Variants in EYS observed in about 807,000 individuals in gnomAD.
EYS encodes the protein EGF-like photoreceptor maintenance factor.
A neutral mutation model predicts 282.1 loss-of-function variants in EYS; 250 were observed. The observed-to-expected ratio is 0.89, with a 90% confidence interval of 0.80 to 0.98. The LOEUF (loss-of-function observed/expected upper bound fraction) is 0.98. Among genes scored for constraint, EYS ranks in the 50% least tolerant of loss-of-function variants. The pLI is 0.00. For missense variants in EYS, 4,016 were observed against 3,709.0 expected (o/e 1.08, Z -2.15); for synonymous variants, 1,355 against 1,282.9 (o/e 1.06, Z -1.20).
At chr6:65,403,105 T>C (rs1452256937) in intron 6 of EYS, among the ~76,000 whole-genome samples, 6 of 152,032 alleles carry the variant, frequency 3.9e-5, no homozygotes, top group Admixed American at 3.3e-4. Flanking sequence ...CACTTTCCGA[T>C]GGCAACCTCA....
At chr6:64,092,496 T>C (rs1231563375) in intron 31 of EYS, among the ~76,000 whole-genome samples, 3 of 152,148 alleles carry the variant, frequency 2.0e-5, no homozygotes, top group African/African-American at 4.8e-5. Context: ...ATTTCTCTGA[T>C]GGCCAGTGAT....
chr6:64,211,470 C>G (rs886349200), intron 31 of EYS, among the ~76,000 whole-genome samples: 2 of 151,754 alleles, frequency 1.3e-5, no homozygotes, highest in Admixed American at 1.3e-4. Context: ...GTGTCAGTCA[C>G]TCAATCTCAT....
chr6:64,668,027 A>G (rs1769294905), intron 22 of EYS, among the ~76,000 whole-genome samples: 1 of 152,184 alleles, frequency 6.6e-6, no homozygotes, highest in South Asian at 2.1e-4. Flanking sequence ...AAGAATTTGC[A>G]TCTATAATAA....
chr6:65,399,883 C>G lies in EYS; in HGVS notation c.1184+2595G>C, dbSNP rs192006111. Among the ~76,000 whole-genome samples the G allele has an allele frequency of 1.1e-4, 17 of 152,082 alleles. No individual in the cohort carries two copies. In the East Asian group the frequency reaches 3.3e-3, roughly 29 times the overall value. ...TCTATATCTGTTTTGGCTTTGTCTC[C>G]TTGCTGGACTTCATGGTTGCAAAAT... On this transcript the variant is annotated intron_variant, in intron 7 of 42. Transcript: ENST00000503581.
At chr6:65,542,958 T>C (rs1474966106) in intron 2 of EYS, among the ~76,000 whole-genome samples, 2 of 152,170 alleles carry the variant, frequency 1.3e-5, no homozygotes, top group Non-Finnish European at 2.9e-5. Context: ...ACAAACCACA[T>C]GAAAAATTAA....
chr6:63,829,717 G>A (rs894333552), intron 36 of EYS, among the ~76,000 whole-genome samples: 1 of 152,128 alleles, frequency 6.6e-6, no homozygotes, highest in East Asian at 1.9e-4. Flanking sequence ...GAGAGTAGTG[G>A]TTCTCACAGC....
At chr6:65,283,669 T>C (rs1214854990) in intron 12 of EYS, among the ~76,000 whole-genome samples, 2 of 152,082 alleles carry the variant, frequency 1.3e-5, no homozygotes, top group Non-Finnish European at 2.9e-5. Context: ...CAAGTGGCTA[T>C]TCATTTTTAC....
At chr6:64,746,712 C>A (rs890080829) in intron 22 of EYS, among the ~76,000 whole-genome samples, 1 of 152,168 alleles carries the variant, frequency 6.6e-6, no homozygotes. Flanking sequence ...TAGCAATTTC[C>A]ATACAGACTG....
intron 35 of EYS, among the ~76,000 whole-genome samples, chr6:63,966,405 G>A (rs1008217360): frequency 6.6e-6 from 1 of 152,144 alleles, no homozygotes; most frequent in African/African-American, 2.4e-5. Flanking sequence ...CAAATATGGT[G>A]CAGTGTATAC....
At chr6:65,389,139 C>A (rs1034070831) in intron 7 of EYS, among the ~76,000 whole-genome samples, 2 of 152,096 alleles carry the variant, frequency 1.3e-5, no homozygotes, top group Non-Finnish European at 2.9e-5. Context: ...AACAGTCACA[C>A]AACAATTTAA....
intron 14 of EYS, among the ~76,000 whole-genome samples, chr6:64,955,404 G>A (rs865843737): frequency 1.3e-5 from 2 of 152,110 alleles, no homozygotes; most frequent in Non-Finnish European, 1.5e-5. Flanking sequence ...ATACTATTGG[G>A]AGAGGACATA....
chr6:65,345,722 C>A (rs909932418), intron 9 of EYS, among the ~76,000 whole-genome samples: 9 of 151,188 alleles, frequency 6.0e-5, no homozygotes, highest in African/African-American at 1.9e-4. Flanking sequence ...AACGTCTTCC[C>A]TCTGCCTCCC....
chr6:64,425,447 G>C (rs1015801650), intron 28 of EYS, among the ~76,000 whole-genome samples: 1 of 152,078 alleles, frequency 6.6e-6, no homozygotes, highest in African/African-American at 2.4e-5. Context: ...CCAAGGTCAA[G>C]AGTTTGAGAC....
intron 35 of EYS, among the ~76,000 whole-genome samples, chr6:63,928,278 C>T (rs1764779073): frequency 6.6e-6 from 1 of 152,068 alleles, no homozygotes; most frequent in South Asian, 2.1e-4. Flanking sequence ...TGGCTCTAGG[C>T]TCAGCTTTGT....
chr6:63,905,658 A>G (rs146938573), intron 35 of EYS, among the ~76,000 whole-genome samples: 6 of 152,278 alleles, frequency 3.9e-5, no homozygotes, highest in African/African-American at 1.4e-4. Context: ...AGTAAAATTT[A>G]ATAGAATGAC....
intron 22 of EYS, among the ~76,000 whole-genome samples, chr6:64,803,548 T>C (rs1338516186): frequency 6.6e-6 from 1 of 152,156 alleles, no homozygotes; most frequent in East Asian, 1.9e-4. Context: ...GGGGCATCAA[T>C]GGGGACTCAC....
At chr6:65,385,414 A>C (rs1397661639) in intron 7 of EYS, among the ~76,000 whole-genome samples, 1 of 151,958 alleles carries the variant, frequency 6.6e-6, no homozygotes, top group Non-Finnish European at 1.5e-5. Context: ...TACCTTTCCT[A>C]TAGTTTGAGG....
intron 12 of EYS, among the ~76,000 whole-genome samples, chr6:65,068,602 G>A (rs909052760): frequency 6.6e-6 from 1 of 151,838 alleles, no homozygotes; most frequent in African/African-American, 2.4e-5. Flanking sequence ...GTTCCAGGTG[G>A]GACTAGATAT....
chr6:64,165,504 T>C (rs1238053611), intron 31 of EYS, among the ~76,000 whole-genome samples: 1 of 152,106 alleles, frequency 6.6e-6, no homozygotes, highest in Admixed American at 6.5e-5. Flanking sequence ...GTGCAGGTGG[T>C]TTAGAATTTG....
Sources: allele counts gnomAD v4.1 joint callset (sites outside exome capture counted in the v4.1 genomes callset), GRCh38; gene constraint gnomAD v4.1.1; transcripts MANE v1.5; gene names NCBI Gene and HGNC (gene_info 2026-07-23, HGNC 2026-07-21).